Variants in HOMER2 observed in about 807,000 individuals in gnomAD.
HOMER2 encodes the protein homer protein homolog 2.
HOMER2 carries 27 observed loss-of-function variants against 47.0 expected under a neutral mutation model. The observed-to-expected ratio is 0.57, with a 90% CI of 0.42 to 0.79. HOMER2 has a LOEUF of 0.79. HOMER2 is among the 30% of genes least tolerant of loss of function. The probability of loss-of-function intolerance (pLI) is 0.00; values close to 1 mark genes in which losing one functional copy is unlikely to be tolerated. For missense variants in HOMER2, 443 were observed against 435.0 expected, an observed-to-expected ratio of 1.02 and a Z score of -0.16; for synonymous variants, 161 against 163.8, an observed-to-expected ratio of 0.98 and a Z score of 0.13.
At chr15:82,850,676 A>C (rs562795981) in intron 8 of HOMER2, among the ~76,000 whole-genome samples, 5 of 152,356 alleles carry the variant, frequency 3.3e-5, no homozygotes, top group African/African-American at 1.2e-4. Context: ...CGCCGTGTGC[A>C]TATCAGAGGA....
chr15:82,863,580 G>A (rs375899578), intron 4 of HOMER2, among the ~76,000 whole-genome samples: 9 of 152,204 alleles, frequency 5.9e-5, no homozygotes, highest in African/African-American at 2.2e-4. Flanking sequence ...ATATAACCCT[G>A]TCACTAGGTC....
At chr15:82,838,573 T>G (rs2051148137) in exon 2 of HOMER2, 1 of 152,260 alleles carries the variant, frequency 6.6e-6, no homozygotes, top group South Asian at 2.1e-4. Flanking sequence ...TCATGGAGAT[T>G]CCTACAGCAC....
At chr15:82,929,605 G>A (rs1317438121) in intron 1 of HOMER2, among the ~76,000 whole-genome samples, 7 of 137,574 alleles carry the variant, frequency 5.1e-5, no homozygotes, top group Admixed American at 3.2e-4. Flanking sequence ...GCAGTGAGCC[G>A]AGATCGCGTC....
At chr15:82,922,172 C>T (rs988100697) in intron 1 of HOMER2, among the ~76,000 whole-genome samples, 5 of 152,198 alleles carry the variant, frequency 3.3e-5, no homozygotes, top group Non-Finnish European at 5.9e-5. Flanking sequence ...CCACCTCCAA[C>T]ACTGAAAGAC....
At chr15:82,855,505 A>C (rs1256424) in intron 5 of HOMER2, among the ~76,000 whole-genome samples, 66,746 of 151,956 alleles carry the variant, frequency 0.44, 15,401 homozygotes, top group East Asian at 0.71. Flanking sequence ...TATGAAAGCC[A>C]TGGACGGACC....
At chr15:82,969,880 A>T (rs993050485) in intron 1 of HOMER2, among the ~76,000 whole-genome samples, 3 of 152,216 alleles carry the variant, frequency 2.0e-5, no homozygotes, top group Non-Finnish European at 4.4e-5. Flanking sequence ...AGGAAAATTA[A>T]CTTAAATAGA....
At chr15:82,855,761 G>A (rs1011948724) in intron 5 of HOMER2, among the ~76,000 whole-genome samples, 4 of 152,174 alleles carry the variant, frequency 2.6e-5, no homozygotes, top group Non-Finnish European at 4.4e-5. Flanking sequence ...GGACACCTCT[G>A]CTGTCACCAC....
chr15:82,854,519 C>T, intron 6 of HOMER2, 125 bp downstream of exon 6: 1 of 932,934 alleles, frequency 1.1e-6, no homozygotes, highest in African/African-American at 1.6e-5. Flanking sequence ...GGAGAGGCAG[C>T]AAGTCTTCCT....
chr15:82,848,608 C>G (rs1247071241), downstream of HOMER2, among the ~76,000 whole-genome samples: 2 of 152,192 alleles, frequency 1.3e-5, no homozygotes, highest in African/African-American at 4.8e-5. Flanking sequence ...CTGAGCTGCT[C>G]TCTCCCCCCG....
At chr15:82,921,395 C>T (rs942457584) in intron 1 of HOMER2, among the ~76,000 whole-genome samples, 2 of 152,184 alleles carry the variant, frequency 1.3e-5, no homozygotes, top group African/African-American at 2.4e-5. Flanking sequence ...CCTCCCCTTC[C>T]GGACTCCTTG....
At chr15:82,907,031 T>A (rs1473630742) in intron 1 of HOMER2, among the ~76,000 whole-genome samples, 3 of 152,284 alleles carry the variant, frequency 2.0e-5, no homozygotes, top group African/African-American at 7.2e-5. Flanking sequence ...CTACTATAGT[T>A]GGAAATACCA....
At chr15:82,870,958 T>C (rs547436298) in intron 3 of HOMER2, among the ~76,000 whole-genome samples, 1 of 152,348 alleles carries the variant, frequency 6.6e-6, no homozygotes, top group South Asian at 2.1e-4. Flanking sequence ...CGAGGTCAAA[T>C]GCCAGAAAGA....
chr15:82,865,804 G>T (rs551942394), intron 3 of HOMER2, among the ~76,000 whole-genome samples: 1 of 152,230 alleles, frequency 6.6e-6, no homozygotes, highest in Non-Finnish European at 1.5e-5. Flanking sequence ...TCCACATGGC[G>T]TTGGGCCTGC....
Position 82,880,619 on chromosome 15 carries a change from G to A in HOMER2, c.163-5215C>T, listed in dbSNP as rs890035267. Among the ~76,000 whole-genome samples the A allele has an allele frequency of 5.9e-5, 9 of 152,192 alleles. No homozygotes were observed. In the East Asian group the frequency reaches 7.7e-4, roughly 13 times the overall value. ...GAGGCTAATCTTCAGAGTGGGCAGA[G>A]GCTTATGAAAACAGCAGGTAGTATC... On this transcript the variant is annotated intron_variant, in intron 2 of 8. Coordinates refer to ENST00000450735, the MANE Select transcript of HOMER2 (RefSeq NM_004839.4).
intron 1 of HOMER2, among the ~76,000 whole-genome samples, chr15:82,945,058 G>C (rs1251843183): frequency 6.6e-6 from 1 of 152,102 alleles, no homozygotes; most frequent in African/African-American, 2.4e-5. Flanking sequence ...ATGAATCCTT[G>C]ATGTTCTTAC....
At chr15:82,910,912 T>C (rs1209170139) in intron 1 of HOMER2, among the ~76,000 whole-genome samples, 1 of 135,160 alleles carries the variant, frequency 7.4e-6, no homozygotes, top group Non-Finnish European at 1.5e-5. Context: ...AACTTTTCCG[T>C]TTCTCTTCTT....
chr15:82,879,293 C>T (rs1253684674), intron 2 of HOMER2, among the ~76,000 whole-genome samples: 4 of 152,122 alleles, frequency 2.6e-5, no homozygotes, highest in Non-Finnish European at 4.4e-5. Context: ...CCCAAGAGTT[C>T]GAGACCAGCC....
chr15:82,983,437 T>A (rs2030464705), intron 1 of HOMER2, among the ~76,000 whole-genome samples: 1 of 152,232 alleles, frequency 6.6e-6, no homozygotes, highest in Admixed American at 6.5e-5. Context: ...CTGGAAATTT[T>A]CTCTTGAATA....
intron 3 of HOMER2, among the ~76,000 whole-genome samples, chr15:82,869,396 TAAAC>T (rs1567024027): frequency 1.4e-5 from 2 of 145,592 alleles, no homozygotes; most frequent in Admixed American, 6.9e-5. Flanking sequence ...TCTTTTGAAA[TAAAC>T]AATATGATAT....
Sources: gnomAD v4.1 joint callset for allele counts (sites outside exome capture counted in the v4.1 genomes callset) on GRCh38, gnomAD v4.1.1 for gene constraint, MANE v1.5 for transcripts, NCBI Gene and HGNC (gene_info 2026-07-23, HGNC 2026-07-21) for gene names.